TCF12: variants seen among roughly 807,000 people sequenced by gnomAD.
TCF12 encodes DNA-binding protein HTF4.
In TCF12, 45 loss-of-function variants were observed where a neutral mutation model predicts 86.0. That is an observed-to-expected ratio of 0.52 (90% CI 0.41 to 0.67). The LOEUF (loss-of-function observed/expected upper bound fraction) is 0.67, where lower values mean the gene tolerates loss of function less well. Among genes scored for constraint, TCF12 ranks in the 30% least tolerant of loss-of-function variants. TCF12 has a pLI of 0.00. For synonymous variants in TCF12, 330 were observed against 299.6 expected, an observed-to-expected ratio of 1.10 and a Z score of -1.05; for missense variants, 881 against 859.9, an observed-to-expected ratio of 1.02 and a Z score of -0.31.
At chr15:57,256,377 C>T (rs1355810694) in intron 16 of TCF12, among the ~76,000 whole-genome samples, 2 of 152,148 alleles carry the variant, frequency 1.3e-5, no homozygotes, top group Non-Finnish European at 2.9e-5. Flanking sequence ...GGAATCAACT[C>T]TTCATATTCT....
At chr15:56,923,425 T>C (rs1161416747) in intron 3 of TCF12, among the ~76,000 whole-genome samples, 3 of 152,250 alleles carry the variant, frequency 2.0e-5, no homozygotes, top group South Asian at 2.1e-4. Context: ...GGATCTGTTA[T>C]GTTATTCCTT....
At chr15:57,143,814 T>C (rs1381804034) in intron 5 of TCF12, among the ~76,000 whole-genome samples, 2 of 152,134 alleles carry the variant, frequency 1.3e-5, no homozygotes, top group Non-Finnish European at 2.9e-5. Flanking sequence ...CAAATGACTT[T>C]TTGTAAAAAT....
chr15:56,920,004 A>G lies in TCF12; in HGVS notation c.75+16A>G, dbSNP rs763947684. On this transcript the variant is annotated intron_variant, in intron 2 of 20. Coordinates refer to ENST00000333725, the MANE Select transcript of TCF12 (RefSeq NM_207037.2). ...CTTCAGTGCGGTATGAGAGCTTTCCATGGCATCTTGGGGTTCTGCTGAGGT... is the reference window on the plus strand; with the variant it reads ...CTTCAGTGCGGTATGAGAGCTTTCCGTGGCATCTTGGGGTTCTGCTGAGGT... The G allele has an allele frequency of 1.1e-5, 18 of 1,613,342 alleles. No individual in the cohort carries two copies. Among genetic ancestry groups the G allele is most frequent in the Non-Finnish European group, 1.4e-5 (17 of 1,179,712 alleles).
At chr15:56,999,378 A>G (rs1596038252) in intron 3 of TCF12, among the ~76,000 whole-genome samples, 1 of 145,600 alleles carries the variant, frequency 6.9e-6, no homozygotes, top group Admixed American at 7.0e-5. Context: ...ACAGCAGAAA[A>G]AGGGAAGACA....
At chr15:57,156,125 G>A (rs769500415) in intron 5 of TCF12, among the ~76,000 whole-genome samples, 6 of 152,122 alleles carry the variant, frequency 3.9e-5, no homozygotes, top group Non-Finnish European at 8.8e-5. Context: ...TTAAACAAGT[G>A]TTTACACTTT....
At chr15:57,265,265 T>C (rs1222385660) in intron 18 of TCF12, among the ~76,000 whole-genome samples, 1 of 152,088 alleles carries the variant, frequency 6.6e-6, no homozygotes, top group Non-Finnish European at 1.5e-5. Context: ...TTTGTGGAGT[T>C]TGCACATTCT....
At chr15:57,143,149 G>GC (rs34779038) in intron 5 of TCF12, among the ~76,000 whole-genome samples, 1,741 of 136,290 alleles carry the variant, frequency 0.013, 27 homozygotes, top group African/African-American at 0.035. Context: ...CCTATTACGT[G>GC]CCCCCCCCCA....
intron 3 of TCF12, among the ~76,000 whole-genome samples, chr15:56,993,823 C>T (rs933072410): frequency 6.6e-6 from 1 of 152,184 alleles, no homozygotes; most frequent in African/African-American, 2.4e-5. Flanking sequence ...ACCAGAGTTT[C>T]ATAGCAATAT....
intron 8 of TCF12, among the ~76,000 whole-genome samples, chr15:57,213,033 T>G (rs2058180517): frequency 6.6e-6 from 1 of 152,202 alleles, no homozygotes. Context: ...CTTAACAAAT[T>G]TCTTCCAAGT....
intron 8 of TCF12, among the ~76,000 whole-genome samples, chr15:57,224,028 A>G (rs1280180539): frequency 6.6e-6 from 1 of 152,058 alleles, no homozygotes; most frequent in East Asian, 1.9e-4. Flanking sequence ...AATATCTGCG[A>G]CTATGGTGTG....
intron 7 of TCF12, among the ~76,000 whole-genome samples, chr15:57,194,507 A>G (rs1040058070): frequency 1.3e-5 from 2 of 152,168 alleles, no homozygotes; most frequent in African/African-American, 4.8e-5. Context: ...CTTTCTTAGC[A>G]TTACAGTTAT....
At chr15:56,953,216 T>C (rs947489799) in intron 3 of TCF12, among the ~76,000 whole-genome samples, 4 of 152,094 alleles carry the variant, frequency 2.6e-5, no homozygotes, top group Non-Finnish European at 5.9e-5. Flanking sequence ...CTATGAGGCA[T>C]TATTCTTTAT....
chr15:56,920,924 C>A, intron 2 of TCF12, 102 bp from the exon 3 acceptor site: 1 of 807,100 alleles, frequency 1.2e-6, no homozygotes, highest in Non-Finnish European at 1.8e-6. Context: ...TTTAACTTCC[C>A]TCTGAAATTT....
chr15:57,034,116 A>C (rs1458414703), intron 3 of TCF12, among the ~76,000 whole-genome samples: 1 of 152,204 alleles, frequency 6.6e-6, no homozygotes, highest in East Asian at 1.9e-4. Context: ...TTAACACTTC[A>C]TTAAGCAAAT....
intron 3 of TCF12, among the ~76,000 whole-genome samples, chr15:56,929,226 C>T (rs1377780252): frequency 6.6e-6 from 1 of 152,102 alleles, no homozygotes; most frequent in Non-Finnish European, 1.5e-5. Flanking sequence ...AAGCCCAACT[C>T]TAGAGCATAT....
At chr15:57,187,849 G>A (rs1214736906) in intron 6 of TCF12, among the ~76,000 whole-genome samples, 2 of 152,108 alleles carry the variant, frequency 1.3e-5, no homozygotes, top group Non-Finnish European at 2.9e-5. Context: ...AGAATCGCTT[G>A]AACCTGGGAG....
At chr15:56,940,592 CCTCCTCCTT>C (rs1339668560) in intron 3 of TCF12, among the ~76,000 whole-genome samples, 1 of 149,416 alleles carries the variant, frequency 6.7e-6, no homozygotes, top group Non-Finnish European at 1.5e-5. Context: ...TTCTCCTCCT[CCTCCTCCTT>C]CTCCTCCTTC....
intron 5 of TCF12, among the ~76,000 whole-genome samples, chr15:57,141,597 C>T (rs1192675616): frequency 6.6e-6 from 1 of 152,216 alleles, no homozygotes; most frequent in Non-Finnish European, 1.5e-5. Flanking sequence ...GATCCGCCCA[C>T]CTCAGCCTCC....
chr15:57,047,395 C>T (rs1567315439), intron 3 of TCF12, among the ~76,000 whole-genome samples: 1 of 152,010 alleles, frequency 6.6e-6, no homozygotes, highest in Non-Finnish European at 1.5e-5. Flanking sequence ...TCTTGATTAC[C>T]AGCTTACTTT....
Sources: gnomAD v4.1 joint callset for allele counts (sites outside exome capture counted in the v4.1 genomes callset) on GRCh38, gnomAD v4.1.1 for gene constraint, MANE v1.5 for transcripts, NCBI Gene and HGNC (gene_info 2026-07-23, HGNC 2026-07-21) for gene names.